Variants in CPQ observed in about 807,000 individuals in gnomAD.
CPQ encodes Ser-Met dipeptidase.
A neutral mutation model predicts 45.7 loss-of-function variants in CPQ; 37 were observed. The observed-to-expected ratio is 0.81, with a 90% confidence interval of 0.62 to 1.07. CPQ has a LOEUF of 1.07. CPQ is among the 50% of genes least tolerant of loss of function. CPQ has a pLI of 0.00. For missense variants in CPQ, 537 were observed against 572.9 expected (o/e 0.94, Z 0.64); for synonymous variants, 186 against 205.8 (o/e 0.90, Z 0.82).
At chr8:96,694,239 A>G (rs1809341830) in intron 1 of CPQ, among the ~76,000 whole-genome samples, 2 of 152,162 alleles carry the variant, frequency 1.3e-5, no homozygotes. Context: ...GAAAACAAAT[A>G]ATAAAATGGC....
At chr8:97,113,232 G>A (rs1316708343) in intron 7 of CPQ, among the ~76,000 whole-genome samples, 2 of 151,804 alleles carry the variant, frequency 1.3e-5, no homozygotes, top group Non-Finnish European at 2.9e-5. Flanking sequence ...ACCTTTTTTT[G>A]TTTTTGAGAC....
chr8:97,030,454 T>C (rs1195416635), intron 6 of CPQ, among the ~76,000 whole-genome samples: 1 of 152,194 alleles, frequency 6.6e-6, no homozygotes, highest in African/African-American at 2.4e-5. Flanking sequence ...ATTTGGTCAC[T>C]GAATACAATT....
At chr8:97,039,215 T>C (rs893611608) in intron 6 of CPQ, among the ~76,000 whole-genome samples, 5 of 152,220 alleles carry the variant, frequency 3.3e-5, no homozygotes, top group African/African-American at 1.2e-4. Context: ...CGAGTATTTC[T>C]AAAAGCAAGA....
chr8:97,086,414 A>T (rs1030676769), intron 7 of CPQ, among the ~76,000 whole-genome samples: 2 of 152,160 alleles, frequency 1.3e-5, no homozygotes, highest in Admixed American at 6.5e-5. Context: ...ACGAATAAGA[A>T]TTGGGGCTAA....
chr8:97,023,073 G>GTA (rs1300799224), intron 5 of CPQ, among the ~76,000 whole-genome samples: 25 of 66,254 alleles, frequency 3.8e-4, no homozygotes, highest in Non-Finnish European at 6.3e-4. Flanking sequence ...AAACTGTAGT[G>GTA]TATATATATA....
At chr8:97,051,379 C>A (rs1203543005) in intron 6 of CPQ, among the ~76,000 whole-genome samples, 1 of 152,088 alleles carries the variant, frequency 6.6e-6, no homozygotes, top group Non-Finnish European at 1.5e-5. Context: ...ATGAATTAAA[C>A]AAGATCTTGA....
In CPQ at chr8:96,686,496, A is replaced by T. The variant is rs550693477; in HGVS notation, c.-35+41094A>T. ...CTTTTTATTATTAACATGGTAAATT[A>T]TATTAATAGATTTATTGTTATACAT... On this transcript the variant is annotated intron_variant, in intron 1 of 7. Coordinates refer to ENST00000220763, the MANE Select transcript of CPQ (RefSeq NM_016134.4). Among the ~76,000 whole-genome samples, 7 of 152,078 alleles carry T rather than the reference A, an allele frequency of 4.6e-5. No individual in the cohort carries two copies. In the South Asian group the frequency reaches 1.0e-3, roughly 23 times the overall value.
chr8:96,837,660 C>T (rs1052285120), intron 3 of CPQ, among the ~76,000 whole-genome samples: 58 of 152,088 alleles, frequency 3.8e-4, no homozygotes, highest in African/African-American at 1.2e-3. Context: ...ACATTGTGGC[C>T]ATTTCCAAAC....
intron 1 of CPQ, among the ~76,000 whole-genome samples, chr8:96,686,254 T>C (rs1275688598): frequency 2.0e-5 from 3 of 152,102 alleles, no homozygotes; most frequent in Non-Finnish European, 1.5e-5. Context: ...TAGTAGACAC[T>C]CTTGTCTTCA....
intron 7 of CPQ, among the ~76,000 whole-genome samples, chr8:97,094,772 C>A (rs1009120641): frequency 6.7e-6 from 1 of 150,220 alleles, no homozygotes; most frequent in Non-Finnish European, 1.5e-5. Context: ...TATATATATA[C>A]AGCTTTACCC....
chr8:97,142,977 T>G (rs761739971), intron 7 of CPQ, 43 bp from the exon 8 acceptor site: 16 of 1,597,514 alleles, frequency 1.0e-5, no homozygotes, highest in Admixed American at 1.7e-5. Context: ...CAGCAGTGTC[T>G]GTCAAAATAC....
intron 4 of CPQ, among the ~76,000 whole-genome samples, chr8:96,895,347 C>T (rs1162542067): frequency 6.6e-6 from 1 of 152,092 alleles, no homozygotes; most frequent in Non-Finnish European, 1.5e-5. Context: ...CTATGAGTAT[C>T]TTTATAAAGT....
intron 4 of CPQ, among the ~76,000 whole-genome samples, chr8:96,908,910 C>T (rs893052961): frequency 6.6e-6 from 1 of 152,204 alleles, no homozygotes; most frequent in Non-Finnish European, 1.5e-5. Flanking sequence ...CTACCCTCAG[C>T]CTGCCCCATC....
At chr8:97,140,106 C>T (rs373415721) in intron 7 of CPQ, among the ~76,000 whole-genome samples, 4 of 151,544 alleles carry the variant, frequency 2.6e-5, no homozygotes, top group Non-Finnish European at 4.4e-5. Flanking sequence ...AAATTAAAAA[C>T]AGGATATTAC....
At chr8:96,738,683 T>C (rs919728845) in intron 1 of CPQ, among the ~76,000 whole-genome samples, 6 of 152,172 alleles carry the variant, frequency 3.9e-5, no homozygotes, top group Admixed American at 6.5e-5. Context: ...ATTGTTCAAT[T>C]CCCACCTATG....
intron 1 of CPQ, among the ~76,000 whole-genome samples, chr8:96,718,965 G>C (rs1486418766): frequency 2.6e-5 from 4 of 152,228 alleles, no homozygotes; most frequent in African/African-American, 9.7e-5. Context: ...TACAATCCCT[G>C]AGCTAGACAT....
At chr8:96,847,213 G>A (rs927171980) in intron 3 of CPQ, among the ~76,000 whole-genome samples, 50 of 152,314 alleles carry the variant, frequency 3.3e-4, no homozygotes, top group African/African-American at 1.2e-3. Context: ...ATGCTCTTGA[G>A]ACTTTGTGAA....
chr8:97,053,016 T>C (rs1810387772), intron 6 of CPQ, among the ~76,000 whole-genome samples: 1 of 152,230 alleles, frequency 6.6e-6, no homozygotes, highest in African/African-American at 2.4e-5. Flanking sequence ...GAAAAACTGA[T>C]GTTATTTTAT....
intron 5 of CPQ, among the ~76,000 whole-genome samples, chr8:96,992,192 T>C (rs1242938659): frequency 2.0e-5 from 3 of 152,208 alleles, no homozygotes; most frequent in Non-Finnish European, 4.4e-5. Context: ...AATTAGGTAC[T>C]TTAGTGACAA....
Sources: allele counts gnomAD v4.1 joint callset (sites outside exome capture counted in the v4.1 genomes callset), GRCh38; gene constraint gnomAD v4.1.1; transcripts MANE v1.5; gene names NCBI Gene and HGNC (gene_info 2026-07-23, HGNC 2026-07-21).